ZNF765: variants seen among roughly 807,000 people sequenced by gnomAD.
The protein encoded by ZNF765 is zinc finger protein 765.
Under a neutral mutation model 44.7 loss-of-function variants are expected in ZNF765, and 37 were observed. That is an observed-to-expected ratio of 0.83 (90% CI 0.64 to 1.09). The LOEUF (loss-of-function observed/expected upper bound fraction) is 1.09. ZNF765 is among the 50% of genes least tolerant of loss of function. The pLI, the probability that ZNF765 is intolerant of heterozygous loss-of-function variation, is 0.00. For synonymous variants in ZNF765, 201 were observed against 213.7 expected (o/e 0.94, Z 0.52); for missense variants, 594 against 626.1 (o/e 0.95, Z 0.55).
chr19:53,401,037 G>A (rs1293370492), intron 2 of ZNF765, among the ~76,000 whole-genome samples: 4 of 150,416 alleles, frequency 2.7e-5, no homozygotes, highest in African/African-American at 9.8e-5. Context: ...TGGAGTATCT[G>A]TTGCCCAGAC....
chr19:53,407,230 A>G (rs963808102), intron 3 of ZNF765, among the ~76,000 whole-genome samples: 16 of 152,192 alleles, frequency 1.1e-4, no homozygotes, highest in Admixed American at 1.3e-4. Context: ...TGATTGTTTG[A>G]CAATACAGAA....
At chr19:53,400,763 C>CATATATATAGATATATATATATATATAT (rs2085716632) in intron 2 of ZNF765, among the ~76,000 whole-genome samples, 1 of 116,798 alleles carries the variant, frequency 8.6e-6, no homozygotes, top group Admixed American at 8.5e-5. Context: ...TATTTGTTGA[C>CATATATATAGATATATATATATATATAT]ATATATATAT....
chr19:53,414,557 G>A (rs1225661821), downstream of ZNF765, among the ~76,000 whole-genome samples: 1 of 140,648 alleles, frequency 7.1e-6, no homozygotes, highest in Non-Finnish European at 1.5e-5. Context: ...CACAAACTGC[G>A]GGCTCCCAGT....
chr19:53,397,292 G>C (rs1012284576), intron 1 of ZNF765, among the ~76,000 whole-genome samples: 4 of 152,210 alleles, frequency 2.6e-5, no homozygotes, highest in Non-Finnish European at 5.9e-5. Flanking sequence ...CATTTTTGTG[G>C]CTTGCTGGGC....
Position 53,407,702 on chromosome 19 carries a change from C to G in ZNF765, c.147C>G (p.Ile49Met). 5 of 1,541,330 alleles carry G rather than the reference C, an allele frequency of 3.2e-6. No individual in the cohort carries two copies. In the South Asian group the frequency reaches 6.5e-5, roughly 20 times the overall value. The part of the protein sequence containing the change: ...ENYRNLVSLD[I>M]SSKCMMKEFS... Reference sequence around the variant, plus strand: ...TTTGGTGTGTATACTTTTTAGATATCTCTTCCAAATGCATGATGAAGGAGT... The same window carrying G: ...TTTGGTGTGTATACTTTTTAGATATGTCTTCCAAATGCATGATGAAGGAGT... Residue 49 changes from isoleucine to methionine, a missense_variant, in exon 4 of 4, where the codon ATC (isoleucine) becomes ATG (methionine). By Grantham distance (10) the Ile-to-Met change is conservative. Around this residue, in one of 2 missense-constraint regions of ZNF765, gnomAD observed 567 missense variants for 572.6 expected, o/e 0.99. Coordinates refer to ENST00000396408, the MANE Select transcript of ZNF765 (RefSeq NM_001040185.3).
rs894081709 is a variant in ZNF765 at position 53,410,327 on chromosome 19, G to A, written c.*1200G>A. 3 of 352,834 alleles carry A rather than the reference G, an allele frequency of 8.5e-6. No homozygotes were observed. In the Admixed American group the frequency reaches 1.2e-4, roughly 15 times the overall value. The allele number at this position is 352,834 out of a possible 1,614,324, so 21.9% of individuals were successfully genotyped here. A position where few individuals can be genotyped will look rare whatever the true frequency, so the allele number is the denominator to read the frequency against. ...CAAAGACAGGAGAATTCATACTGGA[G>A]AGAAAGCTTACATATGTGAAGAATG... On this transcript the variant is annotated 3_prime_UTR_variant, in exon 4 of 4. Coordinates refer to ENST00000396408, the MANE Select transcript of ZNF765 (RefSeq NM_001040185.3).
rs34326774 is a variant in ZNF765, at chr19:53,411,292, AT to A, written c.*2182del. On this transcript the variant is annotated 3_prime_UTR_variant, in exon 4 of 4. Transcript: ENST00000396408. The stretch of plus-strand genomic sequence containing the variant: ...GTTTCTTTAACAAAAACTGATAGGG[AT>A]TTTTTTTTTTTTTTTTGAGATGGAG... 0.01 allele frequency: 1,363 copies of A among 133,130 alleles called. 15 individuals are homozygous for A. The highest frequency in any genetic ancestry group is 0.03 in the African/African-American group (1,035 of 35,036). 8.2% of individuals were successfully genotyped at this position (133,130 alleles called of 1,614,324 possible).
chr19:53,408,136 A>T lies in ZNF765; in HGVS notation c.581A>T (p.Asn194Ile). 6 of 1,614,106 alleles carry T rather than the reference A, an allele frequency of 3.7e-6. No homozygotes were observed. Among genetic ancestry groups the T allele is most frequent in the Non-Finnish European group, 5.1e-6 (6 of 1,179,952 alleles). The change falls in exon 4 of 4, where the codon AAT (asparagine) becomes ATT (isoleucine). Residue 194 changes from asparagine to isoleucine, a missense_variant. By Grantham distance (149) the Asn-to-Ile change is moderately radical. This residue lies in a region of ZNF765 where 567 missense variants were observed against 572.6 expected (regional missense o/e 0.99). Coordinates refer to ENST00000396408, the MANE Select transcript of ZNF765 (RefSeq NM_001040185.3). ...ACCCATATTTCTAATGACTATGGGA[A>T]TAATTTCCTGAATTCTTCATTATTC... Reference protein sequence around the residue: ...PETHISNDYGNNFLNSSLFTQ... With the variant: ...PETHISNDYGINFLNSSLFTQ...
chr19:53,398,877 G>A (rs948147121), intron 2 of ZNF765, among the ~76,000 whole-genome samples: 2 of 151,934 alleles, frequency 1.3e-5, no homozygotes, highest in African/African-American at 4.8e-5. Flanking sequence ...AGCCTCCCGA[G>A]TAGCTGGGAT....
At chr19:53,403,140 A>G (rs2147092816) in intron 3 of ZNF765, among the ~76,000 whole-genome samples, 1 of 151,458 alleles carries the variant, frequency 6.6e-6, no homozygotes, top group South Asian at 2.1e-4. Context: ...CAGACTGGCG[A>G]CAGAGCGGGA....
At chr19:53,414,970 T>G (rs34355433), downstream of ZNF765, among the ~76,000 whole-genome samples, 116,424 of 152,120 alleles carry the variant, frequency 0.77, 45,619 homozygotes, top group Non-Finnish European at 0.85. Context: ...ATTGCAACTG[T>G]TATGAAAACA....
chr19:53,421,336 G>C (rs1347181008), intron 3 of ZNF765, among the ~76,000 whole-genome samples: 1 of 152,084 alleles, frequency 6.6e-6, no homozygotes. Context: ...TCAGCAACCA[G>C]TGCTGGCGCA....
chr19:53,398,478 A>G (rs2085692153), intron 2 of ZNF765, among the ~76,000 whole-genome samples: 1 of 152,216 alleles, frequency 6.6e-6, no homozygotes, highest in Non-Finnish European at 1.5e-5. Flanking sequence ...ATTTTATACT[A>G]CATTTTTAGG....
At chr19:53,407,173 A>T (rs2085783189) in intron 3 of ZNF765, among the ~76,000 whole-genome samples, 1 of 152,178 alleles carries the variant, frequency 6.6e-6, no homozygotes, top group Non-Finnish European at 1.5e-5. Flanking sequence ...GGACTAAAAA[A>T]GATTAAAAAT....
chr19:53,403,096 G>C (rs1483815337), intron 3 of ZNF765, among the ~76,000 whole-genome samples: 2 of 151,848 alleles, frequency 1.3e-5, no homozygotes, highest in Non-Finnish European at 2.9e-5. Context: ...CTGGGAGTCA[G>C]AGGTTGCAGT....
At chr19:53,402,248 C>G (rs1445411847) in intron 3 of ZNF765, 57 bp downstream of exon 3, 1 of 1,257,916 alleles carries the variant, frequency 7.9e-7, no homozygotes, top group Non-Finnish European at 1.0e-6. Flanking sequence ...ATTTTCTCTC[C>G]TTTTTTTTTT....
At position 53,408,788 on chromosome 19, in the gene ZNF765, C is replaced by T. The variant is rs1439733853; in HGVS notation, c.1233C>T (p.Tyr411=). 3.1e-6 allele frequency: 5 copies of T among 1,614,152 alleles called. No homozygotes were observed. Among genetic ancestry groups the T allele is most frequent in the Non-Finnish European group, 4.2e-6 (5 of 1,180,028 alleles). The change falls in exon 4 of 4, where the codon TAC becomes TAT. Residue 411 remains tyrosine, a synonymous_variant. Transcript: ENST00000396408. ...GACTTCATACTGAAGAGAAACCTTA[C>T]AAGTGTAATGAGTGTGGCAAGACCT... ...HRRLHTEEKP[Y]KCNECGKTFN...
exon 4 of ZNF765, chr19:53,426,204 C>T (rs2085938523): frequency 6.5e-6 from 1 of 153,128 alleles, no homozygotes; most frequent in African/African-American, 2.4e-5. Context: ...TGCACAGAGG[C>T]CCCGGAGCTG....
At chr19:53,413,882 A>G (rs546725796), downstream of ZNF765, among the ~76,000 whole-genome samples, 1 of 150,634 alleles carries the variant, frequency 6.6e-6, no homozygotes, top group East Asian at 1.9e-4. Context: ...GAACTGCAGC[A>G]GACAAACCTG....
Sources: allele counts gnomAD v4.1 joint callset (sites outside exome capture counted in the v4.1 genomes callset), GRCh38; gene constraint gnomAD v4.1.1; regional missense constraint gnomAD v4.1.1; transcripts MANE v1.5; gene names NCBI Gene and HGNC (gene_info 2026-07-23, HGNC 2026-07-21).